The following STAG2 variants were observed in gnomAD, a reference collection of about 807,000 sequenced individuals.
The protein encoded by STAG2 is cohesin subunit SA-2.
Under a neutral mutation model 108.1 loss-of-function variants are expected in STAG2, and 14 were observed. That is an observed-to-expected ratio of 0.13 (90% CI 0.09 to 0.20). The LOEUF (loss-of-function observed/expected upper bound fraction) is 0.20. Ranked by LOEUF, STAG2 falls within the 10% of genes least tolerant of loss-of-function variation. The pLI is 1.00. For synonymous variants in STAG2, 307 were observed against 302.7 expected (o/e 1.01, Z -0.15); for missense variants, 440 against 940.9 (o/e 0.47, Z 6.96).
chrX:124,081,827 C>T (rs1569519982), intron 28 of STAG2, among the ~76,000 whole-genome samples: 1 of 110,880 alleles, frequency 9.0e-6, no homozygotes, highest in Non-Finnish European at 1.9e-5. Flanking sequence ...TGGTGAAACC[C>T]GTCTCTACTA....
chrX:124,091,961 A>AT (rs1367741450), intron 32 of STAG2, among the ~76,000 whole-genome samples: 2 of 112,267 alleles, frequency 1.8e-5, no homozygotes, highest in Non-Finnish European at 3.8e-5. Flanking sequence ...TCTTTAGATA[A>AT]TTTTTTTAAA....
At chrX:124,095,909 T>C (rs1025832512) in intron 34 of STAG2, among the ~76,000 whole-genome samples, 2 of 109,904 alleles carry the variant, frequency 1.8e-5, no homozygotes, top group Non-Finnish European at 3.8e-5. Context: ...CTATCTAGGA[T>C]GAGAGTCAGT....
At chrX:124,064,846 C>G (rs926528172) in intron 20 of STAG2, among the ~76,000 whole-genome samples, 1 of 111,456 alleles carries the variant, frequency 9.0e-6, no homozygotes, top group African/African-American at 3.3e-5. Context: ...AGGCTTAGTG[C>G]ATAGTACTTA....
In STAG2 at chrX:124,083,193, C is replaced by T. The variant is rs943984531; in HGVS notation, c.2925-228C>T. On this transcript the variant is annotated intron_variant, in intron 28 of 34. Coordinates refer to ENST00000371145, the MANE Select transcript of STAG2 (RefSeq NM_001042750.2). ...CATATTCAGACTGAAAGCTAAGTGG[C>T]GTGTGTGTGTGTTTGTGTGTGTGTG... is the stretch of plus-strand genomic sequence containing the variant. Among the ~76,000 whole-genome samples the T allele has an allele frequency of 4.9e-5, 4 of 81,805 alleles. No individual in the cohort carries two copies. The Admixed American group carries it at 6.1e-4, about 12-fold the overall frequency. 71.0% of individuals were successfully genotyped at this position (81,805 alleles called of 115,157 possible).
chrX:124,019,050 C>CTT (rs1491104837), intron 1 of STAG2, among the ~76,000 whole-genome samples: 1 of 90,806 alleles, frequency 1.1e-5, no homozygotes, highest in African/African-American at 4.6e-5. Flanking sequence ...GAATTTAGCA[C>CTT]TCTTTTTTTT....
At chrX:124,083,156 G>C (rs2059005406) in intron 28 of STAG2, among the ~76,000 whole-genome samples, 1 of 111,488 alleles carries the variant, frequency 9.0e-6, no homozygotes, top group African/African-American at 3.3e-5. Flanking sequence ...AAAGAATGTA[G>C]ATATACCAGA....
chrX:124,027,555 A>G (rs1398756892), intron 4 of STAG2, among the ~76,000 whole-genome samples: 1 of 111,536 alleles, frequency 9.0e-6, no homozygotes, highest in Non-Finnish European at 1.9e-5. Context: ...TTTGTGCCAC[A>G]GTTTGGTTAA....
rs1270698047 is a variant in STAG2 at position 124,058,153 on chromosome X, T to TC, written c.1416+177dup. Among the ~76,000 whole-genome samples, 137 of 98,687 alleles carry TC rather than the reference T, an allele frequency of 1.4e-3. 2 individuals are homozygous for TC. The highest frequency in any genetic ancestry group is 1.3e-3 in the Non-Finnish European group (62 of 48,750). 85.7% of individuals were successfully genotyped at this position (98,687 alleles called of 115,157 possible). ...TTTTAAATATGCTTTCTACTTTTCT[T>TC]CTTTTTTTTTTTTTTTTTTTTTGAG... On this transcript the variant is annotated intron_variant, in intron 15 of 34. Coordinates refer to ENST00000371145, the MANE Select transcript of STAG2 (RefSeq NM_001042750.2).
chrX:123,996,170 C>T (rs1288925656), intron 1 of STAG2, among the ~76,000 whole-genome samples: 1 of 112,312 alleles, frequency 8.9e-6, no homozygotes, highest in African/African-American at 3.2e-5. Flanking sequence ...TGCATATCGC[C>T]TTTGGCCAAT....
At chrX:124,079,055 T>G (rs1277113320) in intron 27 of STAG2, among the ~76,000 whole-genome samples, 5 of 111,418 alleles carry the variant, frequency 4.5e-5, no homozygotes, top group Non-Finnish European at 7.5e-5. Flanking sequence ...TAGTATACTT[T>G]TGTCTTTGGA....
chrX:124,079,595 A>G (rs2058898761), intron 27 of STAG2, among the ~76,000 whole-genome samples: 2 of 112,224 alleles, frequency 1.8e-5, no homozygotes, highest in South Asian at 7.3e-4. Context: ...AGCCTGGGCA[A>G]CATAGCAAGA....
intron 1 of STAG2, among the ~76,000 whole-genome samples, chrX:123,985,387 G>A (rs768215845): frequency 9.1e-6 from 1 of 109,510 alleles, no homozygotes; most frequent in East Asian, 2.9e-4. Flanking sequence ...CTGCCACCAT[G>A]CCTGGCTAAT....
intron 1 of STAG2, among the ~76,000 whole-genome samples, chrX:123,972,917 C>T (rs1358766219): frequency 3.2e-5 from 3 of 94,163 alleles, no homozygotes; most frequent in Non-Finnish European, 6.2e-5. Flanking sequence ...GGCGTGGTGG[C>T]GCTCACCTGT....
At chrX:124,042,739 A>G (rs2057756086) in intron 7 of STAG2, 94 bp downstream of exon 7, 2 of 637,446 alleles carry the variant, frequency 3.1e-6, no homozygotes, top group African/African-American at 2.2e-5. Flanking sequence ...TAGGCTGGGC[A>G]TGGTGGCTCA....
At chrX:124,054,927 AT>A (rs1195388385) in intron 13 of STAG2, among the ~76,000 whole-genome samples, 4 of 107,491 alleles carry the variant, frequency 3.7e-5, no homozygotes, top group South Asian at 4.0e-4. Flanking sequence ...TGTCCGGCTA[AT>A]TTTTTTTTTC....
In STAG2 at chrX:124,045,413, A is replaced by G. The variant is rs752502085; in HGVS notation, c.667+45A>G. ...TTCTGCATATTGTCTTAGATTTGAGATGAAAAAGATTCTCATTTAAAGAGA... is the reference window on the plus strand; with the variant it reads ...TTCTGCATATTGTCTTAGATTTGAGGTGAAAAAGATTCTCATTTAAAGAGA... On this transcript the variant is annotated intron_variant, in intron 8 of 34. Transcript: ENST00000371145. 5 of 1,030,555 alleles carry G rather than the reference A, an allele frequency of 4.9e-6. No homozygotes were observed. The African/African-American group carries it at 5.7e-5, about 12-fold the overall frequency. The allele number at this position is 1,030,555 out of a possible 1,213,427, so 84.9% of individuals were successfully genotyped here. A position where few individuals can be genotyped will look rare whatever the true frequency, so the allele number is the denominator to read the frequency against.
At chrX:123,987,363 C>T (rs1025184670) in intron 1 of STAG2, among the ~76,000 whole-genome samples, 1 of 110,749 alleles carries the variant, frequency 9.0e-6, no homozygotes, top group Non-Finnish European at 1.9e-5. Context: ...ATTCTCCTGC[C>T]TCACCCTCCT....
rs1192852217 is a variant in STAG2 at position 124,065,949 on chromosome X, A to G, written c.2096+3A>G. The G allele has an allele frequency of 2.6e-6, 3 of 1,164,200 alleles. No homozygotes were observed. The highest frequency in any genetic ancestry group is 3.4e-6 in the Non-Finnish European group (3 of 871,276). ...AAGAGGATCACTGCTTTTCATAAGT[A>G]AGTTGAATTTTGAAGTTCCTGTTTT... On this transcript the variant is annotated splice_donor_region_variant and intron_variant, in intron 21 of 34. Transcript: ENST00000371145.
chrX:124,045,113 T>C (rs1210528285), intron 7 of STAG2, 51 bp from the exon 8 acceptor site: 20 of 1,049,895 alleles, frequency 1.9e-5, no homozygotes, highest in Non-Finnish European at 2.4e-5. Context: ...GCAAGTGATA[T>C]GTTAAGTCAT....
Sources: gnomAD v4.1 joint callset for allele counts (sites outside exome capture counted in the v4.1 genomes callset) on GRCh38, gnomAD v4.1.1 for gene constraint, MANE v1.5 for transcripts, NCBI Gene and HGNC (gene_info 2026-07-23, HGNC 2026-07-21) for gene names.